The following PROX1 variants were observed in gnomAD, a reference collection of about 807,000 sequenced individuals.
PROX1 encodes prospero homeobox protein 1.
A neutral mutation model predicts 58.8 loss-of-function variants in PROX1; 7 were observed. That is an observed-to-expected ratio of 0.12 (90% CI 0.07 to 0.22). PROX1 has a LOEUF of 0.22. Among genes scored for constraint, PROX1 ranks in the 10% least tolerant of loss-of-function variants. The pLI, the probability that PROX1 is intolerant of heterozygous loss-of-function variation, is 1.00. For missense variants in PROX1, 675 were observed against 927.8 expected (o/e 0.73, Z 3.54); for synonymous variants, 350 against 358.3 (o/e 0.98, Z 0.26).
At chr1:214,023,555 C>T (rs116315050) in intron 4 of PROX1, among the ~76,000 whole-genome samples, 1,594 of 152,222 alleles carry the variant, frequency 0.01, 14 homozygotes, top group Non-Finnish European at 0.016. Context: ...TAACTACCTT[C>T]CCTACTAAGC....
chr1:213,997,980 A>G lies in PROX1; in HGVS notation c.1445A>G (p.His482Arg). 1 of 1,613,092 alleles carries G rather than the reference A, an allele frequency of 6.2e-7. No homozygotes were observed. The highest frequency in any genetic ancestry group is 8.5e-7 in the Non-Finnish European group (1 of 1,179,508). ...TTGFTTSTFR[H>R]PFPLPLMAYP... Reference sequence around the variant, plus strand: ...GGCTTCACCACGTCCACCTTCCGCCACCCCTTCCCCCTTCCCTTGATGGCC... The same window carrying G: ...GGCTTCACCACGTCCACCTTCCGCCGCCCCTTCCCCCTTCCCTTGATGGCC... The change falls in exon 2 of 5, where the codon CAC becomes CGC. Residue 482 changes from histidine to arginine, a missense_variant. Coordinates refer to ENST00000366958, the MANE Select transcript of PROX1 (RefSeq NM_001270616.2). This position sits in a 1 kb window ranked among gnomAD's most constrained non-coding sequence, Gnocchi z 7.1.
rs1215682035 is a variant in PROX1, at chr1:213,997,429, G to A, written c.894G>A (p.Glu298=). 6.2e-7 allele frequency: 1 copy of A among 1,614,102 alleles called. No homozygotes were observed. Among genetic ancestry groups the A allele is most frequent in the Non-Finnish European group, 8.5e-7 (1 of 1,180,030 alleles). ...ACTCTGTCGGAAGGTCAGATAATGA[G>A]ATGTGCGAGCTAGACCCAGGACAGT... ...AQDSVGRSDN[E]MCELDPGQFI... The change falls in exon 2 of 5, where the codon GAG becomes GAA. Residue 298 remains glutamate (E), a synonymous_variant. Transcript: ENST00000366958. The surrounding 1 kb of genome is among the most constrained non-coding windows in gnomAD (Gnocchi z 7.1).
Position 213,996,549 on chromosome 1 carries a change from A to G in PROX1, c.14A>G (p.Asp5Gly), listed in dbSNP as rs777786805. ...AACCGTCCAGTGATGCCTGACCATGACAGCACAGCCCTCTTAAGCCGGCAA... is the reference window on the plus strand; with the variant it reads ...AACCGTCCAGTGATGCCTGACCATGGCAGCACAGCCCTCTTAAGCCGGCAA... MPDH[D>G]STALLSRQTK... Residue 5 changes from aspartate (D) to glycine (G), a missense_variant, in exon 2 of 5, where the codon GAC (aspartate) becomes GGC (glycine). This residue lies in a region of PROX1 where 157 missense variants were observed against 197.8 expected (regional missense o/e 0.79). Coordinates refer to ENST00000366958, the MANE Select transcript of PROX1 (RefSeq NM_001270616.2). The G allele has an allele frequency of 1.5e-5, 25 of 1,613,534 alleles. No individual in the cohort carries two copies. Among genetic ancestry groups the G allele is most frequent in the Non-Finnish European group, 2.0e-5 (24 of 1,179,680 alleles).
rs75626032 is a variant in PROX1, at chr1:214,037,660, G to T, written c.*1826G>T. On this transcript the variant is annotated 3_prime_UTR_variant, in exon 5 of 5. Transcript: ENST00000366958. Reference sequence around the variant, plus strand: ...AGACAGAGGGTGCAGCCACACGGGCGGGGGCACCAGCCACCTCACTCTGCA... The same window carrying T: ...AGACAGAGGGTGCAGCCACACGGGCTGGGGCACCAGCCACCTCACTCTGCA... 0.021 allele frequency: 3,173 copies of T among 152,042 alleles called. 40 individuals are homozygous for T. The highest frequency in any genetic ancestry group is 0.024 in the African/African-American group (1,002 of 41,446). 9.4% of individuals were successfully genotyped at this position (152,042 alleles called of 1,614,324 possible). A position where few individuals can be genotyped will look rare whatever the true frequency, so the allele number is the denominator to read the frequency against.
chr1:214,030,829 C>T (rs1664623300), intron 4 of PROX1: 1 of 152,304 alleles, frequency 6.6e-6, no homozygotes, highest in African/African-American at 2.4e-5. Context: ...TGATGAGTAT[C>T]TGCAGGACAC....
chr1:214,026,142 T>C (rs1371210408), intron 4 of PROX1, among the ~76,000 whole-genome samples: 5 of 152,254 alleles, frequency 3.3e-5, no homozygotes, highest in Non-Finnish European at 7.3e-5. Flanking sequence ...TCCTTGATTT[T>C]GCTTGCATAT....
chr1:214,015,975 G>A (rs1384190213), intron 4 of PROX1, among the ~76,000 whole-genome samples: 1 of 152,124 alleles, frequency 6.6e-6, no homozygotes, highest in African/African-American at 2.4e-5. Flanking sequence ...GGGATGGAAG[G>A]CTTCAAAATA....
chr1:214,031,034 C>CGTGTGTGTGTGT (rs34640999), intron 4 of PROX1: 31 of 145,572 alleles, frequency 2.1e-4, no homozygotes, highest in African/African-American at 7.3e-4. Flanking sequence ...CCCAACACAC[C>CGTGTGTGTGTGT]GTGTGTGTGT....
chr1:214,005,287 T>TA lies in PROX1; in HGVS notation c.1833+16dup, dbSNP rs769234816. ...CCGACGTAAAGGTAGGGACTTTTTTTATTCTTAATTTTTTCATTTTCTATG... is the reference window on the plus strand; with the variant it reads ...CCGACGTAAAGGTAGGGACTTTTTTTAATTCTTAATTTTTTCATTTTCTATG... On this transcript the variant is annotated intron_variant, in intron 3 of 4. Coordinates refer to ENST00000366958, the MANE Select transcript of PROX1 (RefSeq NM_001270616.2). 1.9e-6 allele frequency: 3 copies of TA among 1,576,976 alleles called. No homozygotes were observed. Among genetic ancestry groups the TA allele is most frequent in the Non-Finnish European group, 2.6e-6 (3 of 1,152,202 alleles).
intron 4 of PROX1, among the ~76,000 whole-genome samples, chr1:214,032,976 T>A (rs571358687): frequency 3.0e-4 from 45 of 152,278 alleles, no homozygotes; most frequent in African/African-American, 1.1e-3. Context: ...GAAGTTGCCT[T>A]GTTCTCATGC....
Position 213,996,598 on chromosome 1 carries a change from T to A in PROX1, c.63T>A (p.Ile21=). The A allele has an allele frequency of 6.2e-7, 1 of 1,614,122 alleles. No homozygotes were observed. Among genetic ancestry groups the A allele is most frequent in the South Asian group, 1.1e-5 (1 of 91,088 alleles). Residue 21 remains isoleucine, a synonymous_variant, in exon 2 of 5, where the codon ATT becomes ATA. Coordinates refer to ENST00000366958, the MANE Select transcript of PROX1 (RefSeq NM_001270616.2). The stretch of plus-strand genomic sequence containing the variant: ...AAACCAAGAGGAGAAGAGTTGACAT[T>A]GGAGTGAAAAGGACGGTAGGGACAG... The part of the protein sequence containing the change: ...SRQTKRRRVD[I]GVKRTVGTAS...
chr1:214,007,917 T>C (rs950813307), intron 3 of PROX1, among the ~76,000 whole-genome samples: 2 of 152,228 alleles, frequency 1.3e-5, no homozygotes, highest in Admixed American at 6.5e-5. Flanking sequence ...TGGAACAAGA[T>C]ATATGCATGT....
At chr1:214,019,602 G>C (rs1001849399) in intron 4 of PROX1, among the ~76,000 whole-genome samples, 1 of 152,178 alleles carries the variant, frequency 6.6e-6, no homozygotes, top group East Asian at 1.9e-4. Flanking sequence ...AGCAGCCGTC[G>C]TGGGCCATGG....
chr1:214,030,578 A>G (rs1487885044), intron 4 of PROX1: 1 of 152,352 alleles, frequency 6.6e-6, no homozygotes, highest in African/African-American at 2.4e-5. Flanking sequence ...TGGAGAACTG[A>G]GCAAGGGGCA....
At chr1:213,995,313 T>G (rs958494237) in intron 1 of PROX1, among the ~76,000 whole-genome samples, 1 of 152,242 alleles carries the variant, frequency 6.6e-6, no homozygotes, top group African/African-American at 2.4e-5. Flanking sequence ...GTCAAGTGCC[T>G]TTTATGAAAT....
At chr1:213,991,939 G>A (rs1025286103) in intron 1 of PROX1, among the ~76,000 whole-genome samples, 4 of 152,140 alleles carry the variant, frequency 2.6e-5, no homozygotes, top group Non-Finnish European at 5.9e-5. Flanking sequence ...TTAAGTACCT[G>A]TGTAACTTGG....
intron 4 of PROX1, chr1:214,029,225 T>G (rs1387406248): frequency 6.6e-6 from 1 of 152,268 alleles, no homozygotes; most frequent in Non-Finnish European, 1.5e-5. Flanking sequence ...TGTACGTGTG[T>G]GTGCACACAC....
intron 4 of PROX1, among the ~76,000 whole-genome samples, chr1:214,022,602 C>T (rs552799314): frequency 3.9e-5 from 6 of 152,312 alleles, no homozygotes; most frequent in East Asian, 1.9e-4. Context: ...TGGGGTCATC[C>T]GTTCCAGATG....
chr1:213,993,400 T>C (rs1001828781), intron 1 of PROX1, among the ~76,000 whole-genome samples: 2 of 152,176 alleles, frequency 1.3e-5, no homozygotes, highest in Non-Finnish European at 2.9e-5. Flanking sequence ...TTAATACATA[T>C]CTTGAGAAAT....
Sources: gnomAD v4.1 joint callset for allele counts (sites outside exome capture counted in the v4.1 genomes callset) on GRCh38, gnomAD v4.1.1 for gene constraint, gnomAD v4.1.1 regional missense constraint, Gnocchi (gnomAD v3.1) non-coding constraint, MANE v1.5 for transcripts, NCBI Gene and HGNC (gene_info 2026-07-23, HGNC 2026-07-21) for gene names.